The following RESF1 variants were observed in gnomAD, a reference collection of about 807,000 sequenced individuals.
RESF1 encodes retroelement silencing factor 1, also known as gonad expressed transcript.
In RESF1, 65 loss-of-function variants were observed where a neutral mutation model predicts 134.7. The observed-to-expected ratio is 0.48, with a 90% CI of 0.40 to 0.59. The LOEUF is 0.59. Ranked by LOEUF, RESF1 falls within the 20% of genes least tolerant of loss-of-function variation. The probability of loss-of-function intolerance (pLI) is 0.00; values close to 1 mark genes in which losing one functional copy is unlikely to be tolerated. For synonymous variants in RESF1, 762 were observed against 702.2 expected (o/e 1.09, Z -1.35); for missense variants, 2,274 against 2,002.7 (o/e 1.14, Z -2.59).
Position 31,982,557 on chromosome 12 carries a change from G to A in RESF1, c.1602G>A (p.Met534Ile). The A allele has an allele frequency of 6.2e-7, 1 of 1,613,810 alleles. No homozygotes were observed. Among genetic ancestry groups the A allele is most frequent in the Non-Finnish European group, 8.5e-7 (1 of 1,180,020 alleles). ...CTTCAAAGACATCAGCTGTTGAGAT[G>A]ACCCAGGCAGTATTGAATACTCAGC... Reference protein sequence around the residue: ...VLTSKTSAVEMTQAVLNTQLS... With the variant: ...VLTSKTSAVEITQAVLNTQLS... Residue 534 changes from methionine to isoleucine, a missense_variant, in exon 4 of 6, where the codon ATG becomes ATA. Met to Ile is a conservative substitution (Grantham distance 10, BLOSUM62 1). Transcript: ENST00000312561.
chr12:31,967,758 G>T (rs1435747783), intron 2 of RESF1, among the ~76,000 whole-genome samples: 1 of 152,066 alleles, frequency 6.6e-6, no homozygotes, highest in African/African-American at 2.4e-5. Context: ...CCACCACCCA[G>T]CGTGGAAGAA....
chr12:31,966,082 C>G (rs1939392373), intron 2 of RESF1, among the ~76,000 whole-genome samples: 1 of 152,010 alleles, frequency 6.6e-6, no homozygotes, highest in Admixed American at 6.6e-5. Context: ...TTTGGCTTCC[C>G]TAGGCCACTT....
rs556707419 is a variant in RESF1, at chr12:31,984,061, C to A, written c.3106C>A (p.Pro1036Thr). The A allele has an allele frequency of 6.8e-6, 11 of 1,614,098 alleles. No homozygotes were observed. In the East Asian group the frequency reaches 2.5e-4, roughly 36 times the overall value. ...DASSNYTPQD[P>T]ARNEIHSDKA... The stretch of plus-strand genomic sequence containing the variant: ...ATCCAGCAACTATACTCCCCAAGAT[C>A]CTGCAAGAAATGAAATCCACAGTGA... The change falls in exon 4 of 6, where the codon CCT (proline) becomes ACT (threonine). Residue 1036 changes from proline (P) to threonine (T), a missense_variant. Pro to Thr is a conservative substitution (Grantham distance 38). Transcript: ENST00000312561.
In RESF1 at chr12:31,992,594, T is replaced by C. The variant is rs11539999; in HGVS notation, c.*59T>C. 1.1e-5 allele frequency: 16 copies of C among 1,496,710 alleles called. No individual in the cohort carries two copies. The highest frequency in any genetic ancestry group is 2.8e-5 in the African/African-American group (2 of 71,588). 92.7% of individuals were successfully genotyped at this position (1,496,710 alleles called of 1,614,324 possible). ...AATTTCTTTCCTTTTCTGTTCAAAA[T>C]ATTTCGCTGAAACTAATGAGAAATG... On this transcript the variant is annotated 3_prime_UTR_variant, in exon 6 of 6. Coordinates refer to ENST00000312561, the MANE Select transcript of RESF1 (RefSeq NM_018169.4).
intron 3 of RESF1, among the ~76,000 whole-genome samples, chr12:31,977,657 G>C (rs1308183694): frequency 6.6e-6 from 1 of 152,052 alleles, no homozygotes; most frequent in Non-Finnish European, 1.5e-5. Flanking sequence ...TAAAACAAGT[G>C]TCTATATATA....
At position 31,981,169 on chromosome 12, in the gene RESF1, C is replaced by T; in HGVS notation, c.214C>T (p.Gln72Ter). ...PLLNIQNYPQ[Q>*]ISVSDMHNGT... ...GCTGAATATCCAAAATTATCCTCAA[C>T]AAATTTCTGTTTCTGATATGCATAA... Residue 72 changes from glutamine to a stop codon, truncating the protein, a stop_gained, in exon 4 of 6, where the codon CAA becomes TAA. Coordinates refer to ENST00000312561, the MANE Select transcript of RESF1 (RefSeq NM_018169.4). LOFTEE classifies it high-confidence loss of function. 6.2e-7 allele frequency: 1 copy of T among 1,614,056 alleles called. No individual in the cohort carries two copies. The highest frequency in any genetic ancestry group is 1.1e-5 in the South Asian group (1 of 91,062).
At chr12:31,989,210 C>T (rs1470459464) in intron 5 of RESF1, among the ~76,000 whole-genome samples, 8 of 148,728 alleles carry the variant, frequency 5.4e-5, no homozygotes, top group Non-Finnish European at 8.9e-5. Context: ...TCCTGGCTAA[C>T]ACGGTGAAAC....
At chr12:31,978,003 C>G (rs546579943) in intron 3 of RESF1, among the ~76,000 whole-genome samples, 1 of 151,686 alleles carries the variant, frequency 6.6e-6, no homozygotes, top group Non-Finnish European at 1.5e-5. Context: ...CAGGATTTCA[C>G]CATGTTGTTC....
chr12:31,967,189 T>C (rs1348584678), intron 2 of RESF1, among the ~76,000 whole-genome samples: 1 of 152,134 alleles, frequency 6.6e-6, no homozygotes, highest in Non-Finnish European at 1.5e-5. Context: ...GGGATACTGA[T>C]CTTGATTTTG....
At chr12:31,972,049 C>T (rs1939520140) in intron 3 of RESF1, among the ~76,000 whole-genome samples, 1 of 152,106 alleles carries the variant, frequency 6.6e-6, no homozygotes, top group South Asian at 2.1e-4. Context: ...GGTTGCTGAG[C>T]AGGTGGAGGT....
At chr12:31,979,171 T>C (rs1453177135) in intron 3 of RESF1, among the ~76,000 whole-genome samples, 6 of 152,104 alleles carry the variant, frequency 3.9e-5, no homozygotes, top group Non-Finnish European at 5.9e-5. Flanking sequence ...CCGCCCACCT[T>C]GGCCTCCCAA....
intron 3 of RESF1, among the ~76,000 whole-genome samples, chr12:31,979,846 C>A (rs945977762): frequency 1.3e-5 from 2 of 151,202 alleles, no homozygotes. Flanking sequence ...CATGAGCCAC[C>A]ACACCCAGCC....
At chr12:31,977,801 C>CTTTTTT (rs3075963) in intron 3 of RESF1, among the ~76,000 whole-genome samples, 88 of 124,350 alleles carry the variant, frequency 7.1e-4, no homozygotes, top group East Asian at 1.8e-3. Flanking sequence ...TTCTTTCTTT[C>CTTTTTT]TTTTTTTTTT....
At chr12:31,973,431 CTGAG>C (rs1939558666) in intron 3 of RESF1, among the ~76,000 whole-genome samples, 1 of 152,072 alleles carries the variant, frequency 6.6e-6, no homozygotes, top group Admixed American at 6.6e-5. Flanking sequence ...TCTCTGCCTC[CTGAG>C]TATCTGGGAC....
intron 3 of RESF1, among the ~76,000 whole-genome samples, chr12:31,973,677 GA>G (rs58929837): frequency 0.47 from 69,502 of 148,562 alleles, 16,279 homozygotes; most frequent in East Asian, 0.7. Context: ...AGGGATGGAG[GA>G]AAAAAAAAAA....
rs1939835979 is a variant in RESF1, at chr12:31,982,745, C to T, written c.1790C>T (p.Thr597Ile). The change falls in exon 4 of 6, where the codon ACA becomes ATA. Residue 597 changes from threonine (T) to isoleucine (I), a missense_variant. Transcript: ENST00000312561. ...LLSQARKTQK[T>I]VLKDANQTIQ... ...TCACAGGCACGTAAGACTCAGAAGA[C>T]AGTATTAAAAGATGCTAATCAAACT... The T allele has an allele frequency of 1.9e-6, 3 of 1,613,880 alleles. No homozygotes were observed. Among genetic ancestry groups the T allele is most frequent in the South Asian group, 1.1e-5 (1 of 91,076 alleles).
In RESF1 at chr12:31,982,406, T is replaced by A. The variant is rs1274076391; in HGVS notation, c.1451T>A (p.Met484Lys). ...ESAETNKTQCMLNSDIQEVNC... is the reference protein window; with the variant it reads ...ESAETNKTQCKLNSDIQEVNC... ...GCAGAAACAAATAAGACTCAATGTA[T>A]GTTGAATTCTGACATTCAGGAAGTC... The change falls in exon 4 of 6, where the codon ATG (methionine) becomes AAG (lysine). Residue 484 changes from methionine to lysine, a missense_variant. Met to Lys is a moderately conservative substitution (Grantham distance 95). Transcript: ENST00000312561. The A allele has an allele frequency of 6.2e-7, 1 of 1,613,958 alleles. No individual in the cohort carries two copies. The highest frequency in any genetic ancestry group is 8.5e-7 in the Non-Finnish European group (1 of 1,180,026).
At chr12:31,990,977 T>C (rs1940082239) in intron 5 of RESF1, among the ~76,000 whole-genome samples, 1 of 152,152 alleles carries the variant, frequency 6.6e-6, no homozygotes, top group African/African-American at 2.4e-5. Context: ...GGAGGATGGC[T>C]TGAGCCCAGG....
chr12:31,963,410 AAG>A (rs892667332), intron 2 of RESF1, among the ~76,000 whole-genome samples: 1 of 151,986 alleles, frequency 6.6e-6, no homozygotes, highest in Non-Finnish European at 1.5e-5. Flanking sequence ...CTAAATCCAA[AAG>A]AGAGTTTTAA....
Sources: gnomAD v4.1 joint callset for allele counts (sites outside exome capture counted in the v4.1 genomes callset) on GRCh38, gnomAD v4.1.1 for gene constraint, MANE v1.5 for transcripts, NCBI Gene and HGNC (gene_info 2026-07-23, HGNC 2026-07-21) for gene names.